The following SLC4A1AP variants were observed in gnomAD, a reference collection of about 807,000 sequenced individuals.
SLC4A1AP encodes the protein solute carrier family 4 member 1 adaptor protein, also known as kanadaptin.
A neutral mutation model predicts 89.7 loss-of-function variants in SLC4A1AP; 64 were observed. The observed-to-expected ratio is 0.71, with a 90% confidence interval of 0.58 to 0.88. The LOEUF (loss-of-function observed/expected upper bound fraction) is 0.88. SLC4A1AP is among the 40% of genes least tolerant of loss of function. The pLI, the probability that SLC4A1AP is intolerant of heterozygous loss-of-function variation, is 0.00. For synonymous variants in SLC4A1AP, 366 were observed against 353.3 expected (o/e 1.04, Z -0.40); for missense variants, 931 against 965.0 (o/e 0.96, Z 0.47).
chr2:27,664,903 T>TAA (rs60597294), intron 1 of SLC4A1AP, among the ~76,000 whole-genome samples, 197 bp from the exon 2 acceptor site: 4,980 of 138,942 alleles, frequency 0.036, 281 homozygotes, highest in African/African-American at 0.13. Flanking sequence ...CCCTGTCTCT[T>TAA]AAAAAAAAAA....
chr2:27,693,828 G>A (rs1675829984), intron 13 of SLC4A1AP, 74 bp downstream of exon 13: 1 of 1,132,908 alleles, frequency 8.8e-7, no homozygotes, highest in African/African-American at 1.6e-5. Flanking sequence ...TAGATTTAAG[G>A]TTCAACATAA....
intron 12 of SLC4A1AP, among the ~76,000 whole-genome samples, chr2:27,691,040 G>A (rs1212999218): frequency 1.3e-5 from 2 of 151,926 alleles, no homozygotes; most frequent in East Asian, 3.9e-4. Context: ...GTATCAGGGC[G>A]ATATTAGCTT....
rs763869075 is a variant in SLC4A1AP, at chr2:27,664,146, C to T, written c.394C>T (p.Gln132Ter). 6 of 1,614,050 alleles carry T rather than the reference C, an allele frequency of 3.7e-6. No homozygotes were observed. The highest frequency in any genetic ancestry group is 1.3e-5 in the African/African-American group (1 of 74,908). Reference sequence around the variant, plus strand: ...GGACTGCGGTGATTTTAGGAGTCTACAGGAGGAGCAGTCGCGCCCCCCGAC... The same window carrying T: ...GGACTGCGGTGATTTTAGGAGTCTATAGGAGGAGCAGTCGCGCCCCCCGAC... The change falls in exon 1 of 14, where the codon CAG becomes TAG. Residue 132 changes from glutamine (Q) to a stop codon, truncating the protein, a stop_gained. Transcript: ENST00000613058. LOFTEE classifies it high-confidence loss of function.
Position 27,667,965 on chromosome 2 carries a change from A to G in SLC4A1AP, c.1144+575A>G, listed in dbSNP as rs564721446. On this transcript the variant is annotated intron_variant, in intron 3 of 13. Coordinates refer to ENST00000613058, the Ensembl canonical transcript of SLC4A1AP. The stretch of plus-strand genomic sequence containing the variant: ...TGTGTTAAAATAACCACTAAAGTCT[A>G]CAACTTATAAAAGTGAAACATACTA... Among the ~76,000 whole-genome samples the G allele has an allele frequency of 9.2e-5, 14 of 152,298 alleles. No homozygotes were observed. In the East Asian group the frequency reaches 2.5e-3, roughly 27 times the overall value.
Position 27,694,636 on chromosome 2 carries a change from C to T in SLC4A1AP, c.2344C>T (p.Gln782Ter), listed in dbSNP as rs773670598. 11 of 1,570,502 alleles carry T rather than the reference C, an allele frequency of 7.0e-6. No homozygotes were observed. The highest frequency in any genetic ancestry group is 1.7e-5 in the Admixed American group (1 of 58,594). The change falls in exon 14 of 14, where the codon CAA becomes TAA. Residue 782 changes from glutamine (Q) to a stop codon, truncating the protein, a stop_gained and splice_region_variant. Transcript: ENST00000613058. LOFTEE classifies it high-confidence loss of function. The stretch of plus-strand genomic sequence containing the variant: ...TCTTTTTTTATATTCTGATCTAGGT[C>T]AAAGTGGAGATGGCAGAACCCATCT...
chr2:27,665,360 TG>T (rs1675297522), intron 2 of SLC4A1AP, 65 bp downstream of exon 2: 1 of 1,391,798 alleles, frequency 7.2e-7, no homozygotes, highest in Non-Finnish European at 9.7e-7. Flanking sequence ...TACCCTTAAA[TG>T]TTTTTTTAAA....
At chr2:27,677,498 C>A in intron 7 of SLC4A1AP, 134 bp downstream of exon 7, 1 of 688,934 alleles carries the variant, frequency 1.5e-6, no homozygotes, top group Non-Finnish European at 2.4e-6. Flanking sequence ...CGTTTTAGAA[C>A]TAGAAAGAAC....
At chr2:27,673,923 CCTCAAGTT>C (rs1675470727) in intron 5 of SLC4A1AP, among the ~76,000 whole-genome samples, 1 of 151,908 alleles carries the variant, frequency 6.6e-6, no homozygotes, top group African/African-American at 2.4e-5. Context: ...TGAACCAGAA[CCTCAAGTT>C]CTGAAACCAT....
intron 1 of SLC4A1AP, 33 bp from the exon 2 acceptor site, chr2:27,665,067 A>G: frequency 6.4e-7 from 1 of 1,559,588 alleles, no homozygotes; most frequent in Non-Finnish European, 8.7e-7. Flanking sequence ...GTCTCTAAAT[A>G]AATAAATAAC....
rs1309285833 is a variant in SLC4A1AP at position 27,693,775 on chromosome 2, T to G, written c.2341+21T>G. ...TGAAGGTAGATTGTTTTTACTTTTTTTTCCTCTAAGGTTCATTTATTTATA... is the reference window on the plus strand; with the variant it reads ...TGAAGGTAGATTGTTTTTACTTTTTGTTCCTCTAAGGTTCATTTATTTATA... On this transcript the variant is annotated intron_variant, in intron 13 of 13. Coordinates refer to ENST00000613058, the Ensembl canonical transcript of SLC4A1AP. The G allele has an allele frequency of 1.9e-6, 3 of 1,585,504 alleles. No individual in the cohort carries two copies. In the East Asian group the frequency reaches 6.7e-5, roughly 36 times the overall value.
chr2:27,664,898 T>A (rs1675282582), intron 1 of SLC4A1AP, among the ~76,000 whole-genome samples: 2 of 147,312 alleles, frequency 1.4e-5, no homozygotes, highest in South Asian at 2.1e-4. Context: ...CAAGACCCTG[T>A]CTCTTAAAAA....
At chr2:27,686,571 G>C (rs1351371135) in intron 10 of SLC4A1AP, among the ~76,000 whole-genome samples, 1 of 152,016 alleles carries the variant, frequency 6.6e-6, no homozygotes, top group African/African-American at 2.4e-5. Context: ...TCGAGACCAG[G>C]CTGGCCAATG....
chr2:27,691,952 A>G (rs1333327798), intron 12 of SLC4A1AP: 1 of 151,696 alleles, frequency 6.6e-6, no homozygotes, highest in Non-Finnish European at 1.5e-5. Flanking sequence ...TCAATTTGTG[A>G]TCTTTCAGAC....
chr2:27,678,908 G>A (rs373838420), intron 8 of SLC4A1AP, among the ~76,000 whole-genome samples: 36 of 151,900 alleles, frequency 2.4e-4, no homozygotes, highest in African/African-American at 8.4e-4. Context: ...TGTAGAGATG[G>A]GGTCTTGCCA....
chr2:27,669,590 C>T (rs1310422950), intron 5 of SLC4A1AP, among the ~76,000 whole-genome samples: 4 of 152,078 alleles, frequency 2.6e-5, no homozygotes, highest in Admixed American at 2.6e-4. Flanking sequence ...TGTGCTGAGA[C>T]CTAGATCCTT....
intron 5 of SLC4A1AP, 82 bp from the exon 6 acceptor site, chr2:27,675,450 T>G (rs990349206): frequency 1.3e-5 from 12 of 955,354 alleles, no homozygotes; most frequent in Non-Finnish European, 1.8e-5. Context: ...TGGTGACATT[T>G]TAAGCTCCTT....
intron 5 of SLC4A1AP, among the ~76,000 whole-genome samples, chr2:27,672,272 A>G (rs1675437237): frequency 6.6e-6 from 1 of 151,500 alleles, no homozygotes; most frequent in African/African-American, 2.4e-5. Flanking sequence ...CAGACATTGG[A>G]CCTCTTGGAC....
chr2:27,685,475 G>A (rs1195484859), intron 10 of SLC4A1AP, among the ~76,000 whole-genome samples, 198 bp downstream of exon 10: 1 of 152,124 alleles, frequency 6.6e-6, no homozygotes, highest in Admixed American at 6.5e-5. Context: ...GCAAATTAAG[G>A]GCAGTTATTT....
intron 7 of SLC4A1AP, among the ~76,000 whole-genome samples, 178 bp downstream of exon 7, chr2:27,677,542 A>T (rs1572992759): frequency 6.6e-6 from 1 of 152,312 alleles, no homozygotes; most frequent in Non-Finnish European, 1.5e-5. Flanking sequence ...TCTTTATTTA[A>T]TTGTTGAGGG....
Sources: gnomAD v4.1 joint callset for allele counts (sites outside exome capture counted in the v4.1 genomes callset) on GRCh38, gnomAD v4.1.1 for gene constraint, MANE v1.5 for transcripts, NCBI Gene and HGNC (gene_info 2026-07-23, HGNC 2026-07-21) for gene names.